RPL29: variants seen among roughly 807,000 people sequenced by gnomAD.
RPL29 encodes large ribosomal subunit protein eL29.
In RPL29, 4 loss-of-function variants were observed where a neutral mutation model predicts 7.2. The observed-to-expected ratio is 0.55, with a 90% CI of 0.27 to 1.26. The LOEUF is 1.26. Among genes scored for constraint, RPL29 ranks in the 50% most tolerant of loss-of-function variants. The pLI is 0.11. For synonymous variants in RPL29, 73 were observed against 72.8 expected (o/e 1.00, Z -0.01); for missense variants, 148 against 209.1 (o/e 0.71, Z 1.80).
At chr3:51,994,345 C>A (rs1701288254) in intron 3 of RPL29, 2 of 546,342 alleles carry the variant, frequency 3.7e-6, no homozygotes, top group Non-Finnish European at 6.2e-6. Flanking sequence ...CCTTCAAGAA[C>A]AAAATTACAA....
chr3:51,995,843 C>G lies in RPL29; in HGVS notation c.-9+14G>C. The stretch of plus-strand genomic sequence containing the variant: ...GTCGCGGATGGCATCGGATGCCGCG[C>G]GGCCAACACTCACCATAAGCCGCGG... On this transcript the variant is annotated intron_variant, in intron 1 of 3. Coordinates refer to ENST00000294189, the MANE Select transcript of RPL29 (RefSeq NM_000992.3). 1.7e-5 allele frequency: 5 copies of G among 289,918 alleles called. 1 individual carries two copies. In the South Asian group the frequency reaches 1.9e-4, roughly 11 times the overall value. The allele number at this position is 289,918 out of a possible 1,614,324, so 18.0% of individuals were successfully genotyped here. A position where few individuals can be genotyped will look rare whatever the true frequency, so the allele number is the denominator to read the frequency against.
intron 1 of RPL29, 178 bp downstream of exon 1, chr3:51,995,679 T>A: frequency 5.1e-6 from 3 of 588,372 alleles, no homozygotes; most frequent in Non-Finnish European, 9.1e-6. Context: ...AAAGCTGCAT[T>A]CCCCAATAAA....
intron 3 of RPL29, 176 bp from the exon 4 acceptor site, chr3:51,994,302 C>A: frequency 1.3e-6 from 1 of 759,858 alleles, no homozygotes; most frequent in East Asian, 2.7e-5. Context: ...CCCAGGGAGC[C>A]AATACGCCAC....
chr3:51,994,953 A>AG, intron 3 of RPL29, 89 bp downstream of exon 3: 2 of 1,177,510 alleles, frequency 1.7e-6, no homozygotes, highest in Non-Finnish European at 2.6e-6. Context: ...CTCAGGCAGA[A>AG]GCCAAAGCTA....
chr3:51,993,651 A>G lies in RPL29; in HGVS notation c.*98T>C, dbSNP rs1050704958. 1.3e-5 allele frequency: 16 copies of G among 1,246,598 alleles called. No individual in the cohort carries two copies. The South Asian group carries it at 1.7e-4, about 14-fold the overall frequency. The allele number at this position is 1,246,598 out of a possible 1,614,324, so 77.2% of individuals were successfully genotyped here. On this transcript the variant is annotated 3_prime_UTR_variant, in exon 4 of 4. Transcript: ENST00000294189. ...AATCCTGCCTCAGGTTTATTTGTACAAATAGCACAGGAGGACCCCAGCCCC... is the reference window on the plus strand; with the variant it reads ...AATCCTGCCTCAGGTTTATTTGTACGAATAGCACAGGAGGACCCCAGCCCC...
chr3:51,995,074 G>T lies in RPL29; in HGVS notation c.70C>A (p.Pro24Thr), dbSNP rs1701297380. 1.2e-6 allele frequency: 2 copies of T among 1,611,366 alleles called. No individual in the cohort carries two copies. The highest frequency in any genetic ancestry group is 2.2e-5 in the South Asian group (2 of 90,976). The change falls in exon 3 of 4, where the codon CCC becomes ACC. Residue 24 changes from proline to threonine, a missense_variant. By Grantham distance (38) the Pro-to-Thr change is conservative (BLOSUM62 -1). Coordinates refer to ENST00000294189, the MANE Select transcript of RPL29 (RefSeq NM_000992.3). ...RKWHRNGIKK[P>T]RSQRYESLKG... ...AGAGATTCGTATCTTTGTGATCGGGGTTTCTTGATACCATTTCTGTGCCAT... is the reference window on the plus strand; with the variant it reads ...AGAGATTCGTATCTTTGTGATCGGGTTTTCTTGATACCATTTCTGTGCCAT...
At chr3:51,994,841 G>C (rs965714555) in intron 3 of RPL29, 1 of 721,858 alleles carries the variant, frequency 1.4e-6, no homozygotes, top group African/African-American at 1.7e-5. Flanking sequence ...ACCCTGACCA[G>C]AGGGTTACAC....
chr3:51,993,776 G>A lies in RPL29; in HGVS notation c.453C>T (p.Thr151=). The A allele has an allele frequency of 1.3e-6, 2 of 1,595,652 alleles. No individual in the cohort carries two copies. Among genetic ancestry groups the A allele is most frequent in the Non-Finnish European group, 1.7e-6 (2 of 1,179,306 alleles). The stretch of plus-strand genomic sequence containing the variant: ...ACTCTGAAGCCTTTGTAGGGGCCTG[G>A]GTACGTTTGGGAGCCTGAGCTGGAA... ...ASVPAQAPKR[T]QAPTKASE is the part of the protein sequence containing the mutation. The change falls in exon 4 of 4, where the codon ACC becomes ACT. Residue 151 remains threonine (T), a synonymous_variant. Transcript: ENST00000294189.
In RPL29 at chr3:51,993,523, T is replaced by C; in HGVS notation, c.*226A>G. 2.0e-6 allele frequency: 1 copy of C among 509,556 alleles called. No homozygotes were observed. Among genetic ancestry groups the C allele is most frequent in the Non-Finnish European group, 3.5e-6 (1 of 288,006 alleles). The allele number at this position is 509,556 out of a possible 1,614,324, so 31.6% of individuals were successfully genotyped here. A position where few individuals can be genotyped will look rare whatever the true frequency, so the allele number is the denominator to read the frequency against. ...TCCTCTTGCACTTCAGGGCCCCATC[T>C]CCTGACTCCCACCCACACCCCACCA... On this transcript the variant is annotated 3_prime_UTR_variant, in exon 4 of 4. Coordinates refer to ENST00000294189, the MANE Select transcript of RPL29 (RefSeq NM_000992.3).
intron 2 of RPL29, 102 bp from the exon 3 acceptor site, chr3:51,995,208 A>G: frequency 9.2e-7 from 1 of 1,091,234 alleles, no homozygotes; most frequent in Non-Finnish European, 1.4e-6. Flanking sequence ...CACTTCCTAC[A>G]GCAGCTACAC....
rs71084167 is a variant in RPL29 at position 51,993,837 on chromosome 3, TCCTTGG to T, written c.386_391del (p.Ala129_Lys130del). ...GGCTGCAGCCTGGGCCTTGGTTTGA[TCCTTGG>T]CCTTGGCCTTGGCCTTGGCCTTTGG... On this transcript the variant is annotated inframe_deletion, in exon 4 of 4. Transcript: ENST00000294189. 75,445 of 1,585,150 alleles carry T rather than the reference TCCTTGG, an allele frequency of 0.048. 5,063 individuals carry two copies. Among genetic ancestry groups the T allele is most frequent in the African/African-American group, 0.29 (21,617 of 74,012 alleles).
rs1286566582 is a variant in RPL29, at chr3:51,995,609, G to T, written c.-8-140C>A. ...CTCGGCTTACTCTGCACGACCAAAC[G>T]CCAGTCCTGGCCTCCCAAACCCAGG... On this transcript the variant is annotated intron_variant, in intron 1 of 3. Transcript: ENST00000294189. The T allele has an allele frequency of 9.4e-6, 7 of 743,104 alleles. No individual in the cohort carries two copies. The African/African-American group carries it at 1.2e-4, about 13-fold the overall frequency. The allele number at this position is 743,104 out of a possible 1,614,324, so 46.0% of individuals were successfully genotyped here.
intron 2 of RPL29, 97 bp from the exon 3 acceptor site, chr3:51,995,203 C>A (rs1701298608): frequency 9.0e-7 from 1 of 1,112,592 alleles, no homozygotes; most frequent in South Asian, 1.4e-5. Flanking sequence ...ACCAACACTT[C>A]CTACAGCAGC....
chr3:51,995,044 C>T lies in RPL29; in HGVS notation c.100G>A (p.Gly34Arg). The T allele has an allele frequency of 1.2e-6, 2 of 1,612,726 alleles. No individual in the cohort carries two copies. The highest frequency in any genetic ancestry group is 2.2e-5 in the East Asian group (1 of 44,884). Residue 34 changes from glycine to arginine, a missense_variant and splice_region_variant, in exon 3 of 4, where the codon GGG becomes AGG. Physicochemically the swap from Gly to Arg is moderately radical, Grantham distance 125. Coordinates refer to ENST00000294189, the MANE Select transcript of RPL29 (RefSeq NM_000992.3). Reference protein sequence around the residue: ...PRSQRYESLKGVDPKFLRNMR... With the variant: ...PRSQRYESLKRVDPKFLRNMR... ...TCCATGTGATTCAGTGCACTCACCC[C>T]CTTAAGAGATTCGTATCTTTGTGAT...
At chr3:51,995,400 T>C in intron 2 of RPL29, 25 bp downstream of exon 2, 1 of 1,613,962 alleles carries the variant, frequency 6.2e-7, no homozygotes, top group Non-Finnish European at 8.5e-7. Flanking sequence ...GGGTCTGGGA[T>C]GTAGGCAGGG....
intron 3 of RPL29, chr3:51,994,343 A>T: frequency 1.8e-6 from 1 of 552,246 alleles, no homozygotes; most frequent in South Asian, 3.0e-5. Context: ...CTCCTTCAAG[A>T]ACAAAATTAC....
At chr3:51,995,002 A>G (rs778943286) in intron 3 of RPL29, 40 bp downstream of exon 3, 4 of 1,567,820 alleles carry the variant, frequency 2.6e-6, no homozygotes, top group African/African-American at 1.4e-5. Flanking sequence ...GTGCACCTGG[A>G]ACCAAGAAAA....
chr3:51,994,670 A>C, intron 3 of RPL29: 1 of 587,122 alleles, frequency 1.7e-6, no homozygotes, highest in Middle Eastern at 4.6e-4. Flanking sequence ...CTGACACAGG[A>C]AGAGAAGCTG....
intron 1 of RPL29, 64 bp downstream of exon 1, chr3:51,995,793 G>C: frequency 2.9e-6 from 1 of 347,036 alleles, no homozygotes; most frequent in South Asian, 3.3e-5. Flanking sequence ...CCTCTCCGCA[G>C]CCCGCGCCCC....
Sources: gnomAD v4.1 joint callset for allele counts on GRCh38, gnomAD v4.1.1 for gene constraint, MANE v1.5 for transcripts, NCBI Gene and HGNC (gene_info 2026-07-23, HGNC 2026-07-21) for gene names.